The following SUSD3 variants were observed in gnomAD, a reference collection of about 807,000 sequenced individuals.
SUSD3 encodes sushi domain containing 3.
A neutral mutation model predicts 20.6 loss-of-function variants in SUSD3; 18 were observed. That is an observed-to-expected ratio of 0.87 (90% CI 0.60 to 1.30). SUSD3 has a LOEUF of 1.30. SUSD3 is among the 50% of genes most tolerant of loss of function. SUSD3 has a pLI of 0.00. For synonymous variants in SUSD3, 137 were observed against 141.5 expected (o/e 0.97, Z 0.23); for missense variants, 306 against 346.9 (o/e 0.88, Z 0.94).
At chr9:93,069,279 T>C (rs1825827919) in intron 1 of SUSD3, 1 of 591,922 alleles carries the variant, frequency 1.7e-6, no homozygotes, top group Non-Finnish European at 3.1e-6. Context: ...ACTGCAGTGC[T>C]TGTGTTCAGG....
rs1826569868 is a variant in SUSD3 at position 93,084,576 on chromosome 9, C to T, written c.597C>T (p.Thr199=). The T allele has an allele frequency of 6.2e-7, 1 of 1,602,822 alleles. No homozygotes were observed. Among genetic ancestry groups the T allele is most frequent in the African/African-American group, 1.3e-5 (1 of 74,574 alleles). The change falls in exon 5 of 5, where the codon ACC becomes ACT. Residue 199 remains threonine (T), a synonymous_variant. Coordinates refer to ENST00000375472, the MANE Select transcript of SUSD3 (RefSeq NM_145006.4). ...GESTSKLASV[T]RSVDKDPGIP... ...GCACCAGCAAGCTGGCCAGTGTGAC[C>T]CGCAGCGTGGACAAGGACCCTGGGA... is the stretch of plus-strand genomic sequence containing the variant.
At chr9:93,079,398 A>G (rs1016678708) in intron 3 of SUSD3, 73 bp from the exon 4 acceptor site, 32 of 1,555,232 alleles carry the variant, frequency 2.1e-5, no homozygotes, top group Middle Eastern at 1.7e-4. Flanking sequence ...CTGGGCCTAC[A>G]TGGAGCCTGT....
At chr9:93,069,235 C>T in intron 1 of SUSD3, 1 of 676,394 alleles carries the variant, frequency 1.5e-6, no homozygotes, top group East Asian at 2.7e-5. Context: ...CTGTCAGTCA[C>T]TTAGTAGCCC....
intron 4 of SUSD3, among the ~76,000 whole-genome samples, chr9:93,082,305 CTTTCCTTTT>C (rs758653771): frequency 0.081 from 11,155 of 137,078 alleles, 1,316 homozygotes; most frequent in African/African-American, 0.27. Context: ...TTTTAGGCCT[CTTTCCTTTT>C]TTTTTTTTTT....
At chr9:93,062,948 G>A (rs1273224216) in intron 1 of SUSD3, among the ~76,000 whole-genome samples, 1 of 152,186 alleles carries the variant, frequency 6.6e-6, no homozygotes, top group African/African-American at 2.4e-5. Flanking sequence ...CTGGCTGTGA[G>A]TTCGCTGTGA....
chr9:93,071,250 G>A (rs1370013296), intron 1 of SUSD3, among the ~76,000 whole-genome samples: 1 of 152,210 alleles, frequency 6.6e-6, no homozygotes, highest in African/African-American at 2.4e-5. Flanking sequence ...TCCCACAATA[G>A]GCTGCCTGCA....
At chr9:93,070,040 A>G (rs903138029) in intron 1 of SUSD3, among the ~76,000 whole-genome samples, 1 of 152,134 alleles carries the variant, frequency 6.6e-6, no homozygotes, top group East Asian at 1.9e-4. Context: ...CGGCCTCCCA[A>G]AGTGCTGGGA....
chr9:93,068,965 C>A (rs766041301), intron 1 of SUSD3: 1 of 544,300 alleles, frequency 1.8e-6, no homozygotes, highest in Non-Finnish European at 3.3e-6. Flanking sequence ...ATAAGTTATA[C>A]CAATTATAAC....
chr9:93,063,538 GC>G (rs1825586714), intron 1 of SUSD3, among the ~76,000 whole-genome samples: 1 of 152,182 alleles, frequency 6.6e-6, no homozygotes, highest in South Asian at 2.1e-4. Flanking sequence ...AGGGGGCATT[GC>G]CGGTCAGTGG....
chr9:93,075,753 C>CCCCCCCCCCCCCCCA, intron 1 of SUSD3, 31 bp from the exon 2 acceptor site: 1 of 334,096 alleles, frequency 3.0e-6, no homozygotes, highest in Non-Finnish European at 5.2e-6. Context: ...CCCCCCCCCC[C>CCCCCCCCCCCCCCCA]GCCATGCCTC....
intron 1 of SUSD3, among the ~76,000 whole-genome samples, chr9:93,071,932 G>A (rs1825926616): frequency 6.6e-6 from 1 of 152,142 alleles, no homozygotes; most frequent in African/African-American, 2.4e-5. Context: ...GCCATCAGGT[G>A]GGGCTCCCGA....
At chr9:93,061,913 A>C (rs1399343229) in intron 1 of SUSD3, among the ~76,000 whole-genome samples, 4 of 152,212 alleles carry the variant, frequency 2.6e-5, no homozygotes, top group African/African-American at 9.7e-5. Flanking sequence ...AGCCTCAGCC[A>C]GCATAAAAGG....
intron 1 of SUSD3, among the ~76,000 whole-genome samples, chr9:93,067,833 A>G (rs1047039656): frequency 6.6e-6 from 1 of 152,094 alleles, no homozygotes; most frequent in Non-Finnish European, 1.5e-5. Context: ...CCTAACCTCA[A>G]GTGATCCAGC....
At position 93,075,928 on chromosome 9, in the gene SUSD3, A is replaced by G; in HGVS notation, c.233A>G (p.Lys78Arg). 1 of 1,613,190 alleles carries G rather than the reference A, an allele frequency of 6.2e-7. No individual in the cohort carries two copies. Among genetic ancestry groups the G allele is most frequent in the Non-Finnish European group, 8.5e-7 (1 of 1,179,428 alleles). The part of the protein sequence containing the change: ...VGSGLLTCTW[K>R]GSIAEWSSGS... ...TCTGGGCTCCTCACCTGCACCTGGA[A>G]GGGGAGCATCGCTGAGTGGTCTTCA... The change falls in exon 2 of 5, where the codon AAG becomes AGG. Residue 78 changes from lysine (K) to arginine (R), a missense_variant. Lys to Arg is a conservative substitution (Grantham distance 26, BLOSUM62 2). Coordinates refer to ENST00000375472, the MANE Select transcript of SUSD3 (RefSeq NM_145006.4).
intron 4 of SUSD3, among the ~76,000 whole-genome samples, chr9:93,083,382 G>A (rs1826504030): frequency 6.6e-6 from 1 of 152,224 alleles, no homozygotes; most frequent in Non-Finnish European, 1.5e-5. Flanking sequence ...GGATCCTCGG[G>A]ATATGCCTGT....
intron 1 of SUSD3, among the ~76,000 whole-genome samples, chr9:93,060,676 C>CA (rs904117531): frequency 5.3e-4 from 79 of 148,324 alleles, no homozygotes; most frequent in East Asian, 2.5e-3. Flanking sequence ...ACAAAAAATG[C>CA]AAAAAAAAAA....
At chr9:93,075,411 C>CTTTTTTTTTTTTTTTT (rs58393196) in intron 1 of SUSD3, among the ~76,000 whole-genome samples, 20 of 101,276 alleles carry the variant, frequency 2.0e-4, no homozygotes, top group African/African-American at 4.5e-4. Context: ...CTCTGTCCCT[C>CTTTTTTTTTTTTTTTT]TTTTTTTTTT....
chr9:93,064,245 A>G (rs1051520104), intron 1 of SUSD3, among the ~76,000 whole-genome samples: 3 of 152,144 alleles, frequency 2.0e-5, no homozygotes, highest in Non-Finnish European at 4.4e-5. Flanking sequence ...ACAGGGTTTC[A>G]CCATGTTGGC....
chr9:93,072,759 C>T (rs1215496376), intron 1 of SUSD3, among the ~76,000 whole-genome samples: 1 of 152,194 alleles, frequency 6.6e-6, no homozygotes, highest in Non-Finnish European at 1.5e-5. Flanking sequence ...CTTTGGTAAA[C>T]ATTTTAAAAT....
Sources: gnomAD v4.1 joint callset for allele counts (sites outside exome capture counted in the v4.1 genomes callset) on GRCh38, gnomAD v4.1.1 for gene constraint, MANE v1.5 for transcripts, NCBI Gene and HGNC (gene_info 2026-07-23, HGNC 2026-07-21) for gene names.